TMEM132C: variants seen among roughly 807,000 people sequenced by gnomAD.
The protein encoded by TMEM132C is protein phosphatase 1, regulatory subunit 152.
In TMEM132C, 29 loss-of-function variants were observed where a neutral mutation model predicts 61.4. The observed-to-expected ratio is 0.47, with a 90% confidence interval of 0.35 to 0.64. The LOEUF is 0.64. Among genes scored for constraint, TMEM132C ranks in the 30% least tolerant of loss-of-function variants. The pLI is 0.00. For missense variants in TMEM132C, 1,408 were observed against 1,476.9 expected, an observed-to-expected ratio of 0.95 and a Z score of 0.76; for synonymous variants, 656 against 633.1, an observed-to-expected ratio of 1.04 and a Z score of -0.54.
chr12:128,702,723 G>A (rs1399973675), intron 8 of TMEM132C, among the ~76,000 whole-genome samples: 2 of 152,210 alleles, frequency 1.3e-5, no homozygotes, highest in Non-Finnish European at 2.9e-5. Flanking sequence ...CCAAGTGTGG[G>A]CTTTTGGTTT....
chr12:128,694,798 C>G (rs887255753), intron 6 of TMEM132C, among the ~76,000 whole-genome samples: 4 of 152,214 alleles, frequency 2.6e-5, no homozygotes, highest in Non-Finnish European at 4.4e-5. Context: ...TGTGAATCTA[C>G]CCAGTCCTTC....
intron 4 of TMEM132C, among the ~76,000 whole-genome samples, chr12:128,660,017 G>A (rs34709866): frequency 0.14 from 20,947 of 152,162 alleles, 1,463 homozygotes; most frequent in East Asian, 0.22. Flanking sequence ...TCTTGACGTC[G>A]TCTCTTCACC....
At chr12:128,623,779 G>A (rs1028517430) in intron 4 of TMEM132C, among the ~76,000 whole-genome samples, 1 of 151,938 alleles carries the variant, frequency 6.6e-6, no homozygotes, top group Non-Finnish European at 1.5e-5. Flanking sequence ...CTGCACTCCA[G>A]CCTTGGCGAC....
chr12:128,618,138 C>T (rs1268876317), intron 4 of TMEM132C, among the ~76,000 whole-genome samples: 1 of 152,218 alleles, frequency 6.6e-6, no homozygotes, highest in African/African-American at 2.4e-5. Flanking sequence ...CACACACCAG[C>T]ATCAGCTCTG....
intron 4 of TMEM132C, among the ~76,000 whole-genome samples, chr12:128,619,245 G>T (rs2135585860): frequency 6.6e-6 from 1 of 152,240 alleles, no homozygotes; most frequent in South Asian, 2.1e-4. Context: ...GGTGAAACAG[G>T]GGATTAACAG....
At chr12:128,617,508 C>T (rs908344801) in intron 4 of TMEM132C, among the ~76,000 whole-genome samples, 1 of 152,162 alleles carries the variant, frequency 6.6e-6, no homozygotes. Flanking sequence ...ATGTATCACC[C>T]TGGGGCAGGT....
At chr12:128,585,889 G>C (rs1875526936) in intron 3 of TMEM132C, among the ~76,000 whole-genome samples, 1 of 152,192 alleles carries the variant, frequency 6.6e-6, no homozygotes, top group Non-Finnish European at 1.5e-5. Context: ...GGGCTGGGAT[G>C]AGGGGGAAGT....
At chr12:128,495,815 G>A (rs1871931460) in intron 2 of TMEM132C, among the ~76,000 whole-genome samples, 1 of 152,030 alleles carries the variant, frequency 6.6e-6, no homozygotes, top group East Asian at 1.9e-4. Flanking sequence ...TTTAATTGGA[G>A]CATTTAGCCC....
intron 1 of TMEM132C, among the ~76,000 whole-genome samples, chr12:128,283,482 C>T (rs546337346): frequency 1.2e-4 from 19 of 152,198 alleles, no homozygotes; most frequent in Admixed American, 8.5e-4. Flanking sequence ...TTCTCTCTTC[C>T]TCTCTCATTA....
chr12:128,415,438 C>T lies in TMEM132C; in HGVS notation c.792C>T (p.Ser264=). ...PGKDGLEETT[S]HLQRIGTVGL... ...AGGATGGGCTGGAGGAAACCACGTC[C>T]CACCTGCAGAGGATCGGCACCGTCG... is the stretch of plus-strand genomic sequence containing the variant. The change falls in exon 2 of 9, where the codon TCC becomes TCT. Residue 264 remains serine, a synonymous_variant. Coordinates refer to ENST00000435159, the MANE Select transcript of TMEM132C (RefSeq NM_001136103.3). The surrounding 1 kb of genome is among the most constrained non-coding windows in gnomAD (Gnocchi z 5.8). 5.2e-6 allele frequency: 8 copies of T among 1,551,602 alleles called. No individual in the cohort carries two copies. Among genetic ancestry groups the T allele is most frequent in the Non-Finnish European group, 7.0e-6 (8 of 1,146,926 alleles).
At chr12:128,700,845 C>A (rs1412269599) in intron 8 of TMEM132C, among the ~76,000 whole-genome samples, 1 of 152,186 alleles carries the variant, frequency 6.6e-6, no homozygotes, top group Non-Finnish European at 1.5e-5. Flanking sequence ...GCACCAACAT[C>A]GCTGAGCCAT....
Position 128,570,100 on chromosome 12 carries a change from G to A in TMEM132C, c.1121+25997G>A, listed in dbSNP as rs544643277. On this transcript the variant is annotated intron_variant, in intron 3 of 8. Transcript: ENST00000435159. This position sits in a 1 kb window ranked among gnomAD's most constrained non-coding sequence, Gnocchi z 4.7. ...AATATGAAAAAGCATATAACCCACC[G>A]TGAATACAACTGGGGTTATCTTCTC... 7.2e-4 allele frequency among the ~76,000 whole-genome samples: 110 copies of A among 152,164 alleles called. 1 individual carries two copies. The highest frequency in any genetic ancestry group is 1.2e-3 in the Non-Finnish European group (81 of 68,002).
At chr12:128,346,068 G>A (rs900892647) in intron 1 of TMEM132C, among the ~76,000 whole-genome samples, 1 of 151,930 alleles carries the variant, frequency 6.6e-6, no homozygotes, top group East Asian at 1.9e-4. Flanking sequence ...TTTGTATATG[G>A]TATCCTTTGT....
At chr12:128,564,968 G>A (rs575033767) in intron 3 of TMEM132C, among the ~76,000 whole-genome samples, 61 of 152,286 alleles carry the variant, frequency 4.0e-4, no homozygotes, top group Middle Eastern at 6.8e-3. Flanking sequence ...TATTGTTATG[G>A]AGAATGGTCT....
intron 1 of TMEM132C, among the ~76,000 whole-genome samples, chr12:128,387,140 C>CAAAAAA (rs34160455): frequency 1.3e-4 from 11 of 85,588 alleles, no homozygotes; most frequent in Non-Finnish European, 2.0e-4. Context: ...GACTCTGCCT[C>CAAAAAA]AAAAAAAAAA....
chr12:128,532,274 CTATG>C (rs1018201127), intron 2 of TMEM132C, among the ~76,000 whole-genome samples: 41 of 151,904 alleles, frequency 2.7e-4, no homozygotes, highest in African/African-American at 9.9e-4. Flanking sequence ...CTATGTATGA[CTATG>C]TATGCATAAT....
chr12:128,414,786 C>G lies in TMEM132C; in HGVS notation c.140C>G (p.Pro47Arg). 3.2e-6 allele frequency: 5 copies of G among 1,540,228 alleles called. No individual in the cohort carries two copies. The highest frequency in any genetic ancestry group is 3.5e-6 in the Non-Finnish European group (4 of 1,146,800). Residue 47 changes from proline (P) to arginine (R), a missense_variant, in exon 2 of 9, where the codon CCT becomes CGT. Pro to Arg is a moderately radical substitution (Grantham distance 103, BLOSUM62 -2). Transcript: ENST00000435159. ...ATACAGAGATTCTCCTCACTGCCACCTTACCTACCTGTGAGCTACCACATC... is the reference window on the plus strand; with the variant it reads ...ATACAGAGATTCTCCTCACTGCCACGTTACCTACCTGTGAGCTACCACATC... Reference protein sequence around the residue: ...DNIQRFSSLPPYLPVSYHILR... With the variant: ...DNIQRFSSLPRYLPVSYHILR...
intron 4 of TMEM132C, among the ~76,000 whole-genome samples, chr12:128,632,933 G>A (rs564311076): frequency 3.3e-5 from 5 of 152,326 alleles, no homozygotes; most frequent in African/African-American, 1.2e-4. Flanking sequence ...TAATAGTGCT[G>A]TAGTAATTAT....
chr12:128,494,279 A>C (rs936264424), intron 2 of TMEM132C, among the ~76,000 whole-genome samples: 3 of 152,088 alleles, frequency 2.0e-5, no homozygotes, highest in African/African-American at 7.2e-5. Flanking sequence ...TTTTTGCATC[A>C]ATGTTCATCA....
Sources: gnomAD v4.1 joint callset for allele counts (sites outside exome capture counted in the v4.1 genomes callset) on GRCh38, gnomAD v4.1.1 for gene constraint, Gnocchi (gnomAD v3.1) non-coding constraint, MANE v1.5 for transcripts, NCBI Gene and HGNC (gene_info 2026-07-23, HGNC 2026-07-21) for gene names.